The following CGNL1 variants were observed in gnomAD, a reference collection of about 807,000 sequenced individuals.
The protein encoded by CGNL1 is cingulin like 1.
In CGNL1, 132 loss-of-function variants were observed where a neutral mutation model predicts 141.2. That is an observed-to-expected ratio of 0.93 (90% CI 0.81 to 1.08). The LOEUF is 1.08. Ranked by LOEUF, CGNL1 falls within the 50% of genes least tolerant of loss-of-function variation. The probability of loss-of-function intolerance (pLI) is 0.00; values close to 1 mark genes in which losing one functional copy is unlikely to be tolerated. For synonymous variants in CGNL1, 690 were observed against 622.1 expected (o/e 1.11, Z -1.63); for missense variants, 1,870 against 1,588.6 (o/e 1.18, Z -3.01).
rs187383611 is a variant in CGNL1, at chr15:57,378,237, G to A, written c.-16+1670G>A. Among the ~76,000 whole-genome samples the A allele has an allele frequency of 3.3e-5, 5 of 152,102 alleles. No homozygotes were observed. In the East Asian group the frequency reaches 5.8e-4, roughly 18 times the overall value. ...CCTTTTTAGTAATGTGATAGTCTCC[G>A]GGGATCTTGGTTAATTTACTTTTGT... On this transcript the variant is annotated intron_variant, in intron 1 of 18. Coordinates refer to ENST00000281282, the MANE Select transcript of CGNL1 (RefSeq NM_032866.5).
intron 8 of CGNL1, among the ~76,000 whole-genome samples, chr15:57,488,390 T>G (rs1017548472): frequency 1.3e-5 from 2 of 152,216 alleles, no homozygotes; most frequent in Admixed American, 6.5e-5. Context: ...GCGCAAAGAT[T>G]TTTAATTTTC....
chr15:57,514,709 T>C (rs1433751070), intron 8 of CGNL1, among the ~76,000 whole-genome samples: 3 of 152,218 alleles, frequency 2.0e-5, no homozygotes, highest in African/African-American at 7.2e-5. Flanking sequence ...CTTGTTTCTG[T>C]GTTTTAAGAG....
chr15:57,475,159 G>A (rs4774945), intron 8 of CGNL1, among the ~76,000 whole-genome samples: 20,623 of 152,166 alleles, frequency 0.14, 1,743 homozygotes, highest in Admixed American at 0.19. Context: ...ACCTGCCGCA[G>A]GTTGGCCACC....
chr15:57,462,998 T>A (rs1038989880), intron 8 of CGNL1, among the ~76,000 whole-genome samples: 1 of 152,212 alleles, frequency 6.6e-6, no homozygotes, highest in African/African-American at 2.4e-5. Flanking sequence ...CTGGTATCCT[T>A]GTGATCTATC....
At position 57,438,803 on chromosome 15, in the gene CGNL1, C is replaced by A. The variant is rs780050076; in HGVS notation, c.804C>A (p.Thr268=). The A allele has an allele frequency of 6.2e-7, 1 of 1,614,198 alleles. No individual in the cohort carries two copies. Among genetic ancestry groups the A allele is most frequent in the South Asian group, 1.1e-5 (1 of 91,078 alleles). The stretch of plus-strand genomic sequence containing the variant: ...ACAGCCCACATGCCCACCCTGAAAC[C>A]AAGAAAACCAGGCCAGATGTTCTTC... ...TAHSPHAHPE[T]KKTRPDVLPF... The change falls in exon 2 of 19, where the codon ACC becomes ACA. Residue 268 remains threonine (T), a synonymous_variant. Transcript: ENST00000281282.
chr15:57,444,282 G>A (rs537353688), intron 4 of CGNL1, among the ~76,000 whole-genome samples: 1 of 151,468 alleles, frequency 6.6e-6, no homozygotes, highest in African/African-American at 2.4e-5. Flanking sequence ...AGTTTTTTTT[G>A]GTATCGAAAT....
chr15:57,461,182 T>G (rs555352380), intron 7 of CGNL1, among the ~76,000 whole-genome samples: 15 of 152,276 alleles, frequency 9.9e-5, no homozygotes, highest in African/African-American at 3.6e-4. Context: ...TATTGTGCTC[T>G]GCTCAGATGG....
intron 1 of CGNL1, among the ~76,000 whole-genome samples, chr15:57,388,878 A>G (rs2062512239): frequency 6.6e-6 from 1 of 152,192 alleles, no homozygotes; most frequent in African/African-American, 2.4e-5. Context: ...GTCTCCCATG[A>G]CTTTCTGAGT....
rs560008301 is a variant in CGNL1 at position 57,504,828 on chromosome 15, T to C, written c.2404-11952T>C. On this transcript the variant is annotated intron_variant, in intron 8 of 18. Coordinates refer to ENST00000281282, the MANE Select transcript of CGNL1 (RefSeq NM_032866.5). ...GGCAGGGAAGCACATTGCATGTGCC[T>C]GGAGGAGAGAAGAACTGGAAATATT... Among the ~76,000 whole-genome samples, 27 of 152,316 alleles carry C rather than the reference T, an allele frequency of 1.8e-4. No individual in the cohort carries two copies. In the South Asian group the frequency reaches 5.6e-3, roughly 32 times the overall value.
At chr15:57,543,408 G>A (rs1486202920) in intron 14 of CGNL1, among the ~76,000 whole-genome samples, 1 of 152,140 alleles carries the variant, frequency 6.6e-6, no homozygotes, top group African/African-American at 2.4e-5. Context: ...AGAGGTACTG[G>A]GGATTAGGGC....
Position 57,549,839 on chromosome 15 carries a change from A to T in CGNL1, c.*2349A>T, listed in dbSNP as rs550540405. 5.3e-5 allele frequency: 8 copies of T among 152,192 alleles called. No individual in the cohort carries two copies. The highest frequency in any genetic ancestry group is 1.9e-4 in the African/African-American group (8 of 41,430). 9.4% of individuals were successfully genotyped at this position (152,192 alleles called of 1,614,324 possible). On this transcript the variant is annotated 3_prime_UTR_variant, in exon 19 of 19. Transcript: ENST00000281282. ...TCCCTAGAGCTCACTTTGACCCTCA[A>T]TATGTTCATAATTTCCCTGCTGCTT...
At chr15:57,544,391 A>C in intron 15 of CGNL1, 82 bp from the exon 16 acceptor site, 1 of 1,535,758 alleles carries the variant, frequency 6.5e-7, no homozygotes, top group Non-Finnish European at 8.9e-7. Context: ...ACCAAACACC[A>C]GGTTCTGCCC....
chr15:57,525,067 A>G (rs1171541362), intron 12 of CGNL1, among the ~76,000 whole-genome samples: 10 of 152,178 alleles, frequency 6.6e-5, no homozygotes, highest in Admixed American at 6.5e-4. Context: ...CAGATGATTT[A>G]TTTATATGCT....
chr15:57,530,091 A>G (rs72741509), intron 13 of CGNL1, among the ~76,000 whole-genome samples: 1,632 of 152,392 alleles, frequency 0.011, 19 homozygotes, highest in Non-Finnish European at 0.019. Context: ...CCCTTCAGGC[A>G]GTGGAGGAAG....
intron 1 of CGNL1, among the ~76,000 whole-genome samples, chr15:57,403,136 C>G (rs1290294007): frequency 6.6e-6 from 1 of 152,118 alleles, no homozygotes; most frequent in Non-Finnish European, 1.5e-5. Flanking sequence ...TTTCAAGGAG[C>G]CTTGATTGCC....
At chr15:57,378,557 A>T (rs1462293913) in intron 1 of CGNL1, among the ~76,000 whole-genome samples, 1 of 150,994 alleles carries the variant, frequency 6.6e-6, no homozygotes, top group African/African-American at 2.4e-5. Context: ...ACTTTTTTGT[A>T]TTTTTAGTAG....
chr15:57,415,583 A>G (rs1229329263), intron 1 of CGNL1, among the ~76,000 whole-genome samples: 1 of 152,174 alleles, frequency 6.6e-6, no homozygotes, highest in Non-Finnish European at 1.5e-5. Flanking sequence ...TTGCCAAAAG[A>G]TTCCTTCCCT....
chr15:57,463,288 A>C (rs1327208201), intron 8 of CGNL1, among the ~76,000 whole-genome samples: 1 of 152,172 alleles, frequency 6.6e-6, no homozygotes, highest in Non-Finnish European at 1.5e-5. Context: ...GTAAGTGAGG[A>C]AAGGATACAT....
chr15:57,504,299 T>C (rs540168284), intron 8 of CGNL1, among the ~76,000 whole-genome samples: 3 of 152,150 alleles, frequency 2.0e-5, no homozygotes, highest in South Asian at 2.1e-4. Context: ...CAGTAAAAGG[T>C]AGTTGACGGG....
Sources: allele counts gnomAD v4.1 joint callset (sites outside exome capture counted in the v4.1 genomes callset), GRCh38; gene constraint gnomAD v4.1.1; transcripts MANE v1.5; gene names NCBI Gene and HGNC (gene_info 2026-07-23, HGNC 2026-07-21).